KDM4C: variants seen among roughly 807,000 people sequenced by gnomAD.
KDM4C encodes lysine demethylase 4C, also known as lysine-specific demethylase 4C.
KDM4C carries 81 observed loss-of-function variants against 129.3 expected under a neutral mutation model. The ratio of observed to expected loss-of-function variants is 0.63; its 90% CI spans 0.52 to 0.75. KDM4C has a LOEUF of 0.75. Among genes scored for constraint, KDM4C ranks in the 30% least tolerant of loss-of-function variants. KDM4C has a pLI of 0.00. For synonymous variants in KDM4C, 573 were observed against 456.1 expected (o/e 1.26, Z -3.26); for missense variants, 1,457 against 1,304.0 (o/e 1.12, Z -1.81).
At chr9:6,926,103 C>T (rs112995064) in intron 8 of KDM4C, among the ~76,000 whole-genome samples, 3 of 151,960 alleles carry the variant, frequency 2.0e-5, no homozygotes, top group Admixed American at 2.0e-4. Context: ...AAGTCAAGCC[C>T]CTTTAGATGG....
At chr9:7,082,355 T>A (rs10976031) in intron 17 of KDM4C, among the ~76,000 whole-genome samples, 39 of 152,058 alleles carry the variant, frequency 2.6e-4, no homozygotes, top group African/African-American at 9.2e-4. Flanking sequence ...TCAGCGGGAG[T>A]TACACAGAGA....
At chr9:6,741,478 G>C (rs1293599945) in intron 1 of KDM4C, among the ~76,000 whole-genome samples, 1 of 152,078 alleles carries the variant, frequency 6.6e-6, no homozygotes, top group African/African-American at 2.4e-5. Context: ...CGGGTATTTA[G>C]CCTTTTTATT....
At chr9:6,909,988 G>A (rs1020670384) in intron 8 of KDM4C, among the ~76,000 whole-genome samples, 5 of 152,128 alleles carry the variant, frequency 3.3e-5, no homozygotes, top group African/African-American at 1.2e-4. Flanking sequence ...TCCTTAATAA[G>A]GTGCATGTCC....
At chr9:6,880,138 C>G in intron 6 of KDM4C, 77 bp downstream of exon 6, 1 of 884,134 alleles carries the variant, frequency 1.1e-6, no homozygotes. Context: ...TTTTGAGGTA[C>G]TTTTTACAAT....
chr9:7,149,231 C>T (rs1453153009), intron 19 of KDM4C, among the ~76,000 whole-genome samples: 1 of 152,244 alleles, frequency 6.6e-6, no homozygotes, highest in Non-Finnish European at 1.5e-5. Flanking sequence ...TTAGTGCCAT[C>T]CTGAGCATGC....
intron 12 of KDM4C, 71 bp downstream of exon 12, chr9:6,990,595 A>G: frequency 2.0e-6 from 2 of 998,086 alleles, no homozygotes; most frequent in South Asian, 1.5e-5. Context: ...TGTAAAAAAA[A>G]TTGCTGAATA....
intron 17 of KDM4C, chr9:7,076,864 G>T (rs1833983534): frequency 1.0e-6 from 1 of 998,612 alleles, no homozygotes; most frequent in Non-Finnish European, 1.2e-6. Context: ...GGTGCATCAG[G>T]TTAATGATTT....
chr9:7,068,686 CTTTTTTTTTTTTTTT>C (rs542039227), intron 17 of KDM4C, among the ~76,000 whole-genome samples: 22 of 101,766 alleles, frequency 2.2e-4, no homozygotes, highest in Admixed American at 3.3e-4. Flanking sequence ...GATGCCCTTT[CTTTTTTTTTTTTTTT>C]TTTTTTTTTT....
intron 17 of KDM4C, among the ~76,000 whole-genome samples, chr9:7,078,357 C>T (rs1030593530): frequency 6.0e-5 from 9 of 151,170 alleles, no homozygotes; most frequent in African/African-American, 1.9e-4. Flanking sequence ...AGGACATGGA[C>T]ACAGCTTTTA....
intron 4 of KDM4C, among the ~76,000 whole-genome samples, chr9:6,832,233 G>T (rs1415379213): frequency 6.7e-6 from 1 of 150,018 alleles, no homozygotes; most frequent in Non-Finnish European, 1.5e-5. Flanking sequence ...CCAGCTACTC[G>T]GGAGGCTGAG....
At chr9:7,047,957 G>C (rs1829644496) in intron 16 of KDM4C, among the ~76,000 whole-genome samples, 1 of 152,054 alleles carries the variant, frequency 6.6e-6, no homozygotes, top group Non-Finnish European at 1.5e-5. Context: ...ATGTGCACAT[G>C]TTTCTGATTG....
chr9:6,908,756 C>T (rs765470432), intron 8 of KDM4C, among the ~76,000 whole-genome samples: 29 of 152,152 alleles, frequency 1.9e-4, no homozygotes, highest in Non-Finnish European at 3.5e-4. Flanking sequence ...TTTAGTCTGC[C>T]TGGGTTTGAA....
intron 17 of KDM4C, among the ~76,000 whole-genome samples, chr9:7,076,247 T>G (rs1303830999): frequency 1.3e-5 from 2 of 152,208 alleles, no homozygotes; most frequent in Non-Finnish European, 2.9e-5. Context: ...TCAAACCATT[T>G]TTACTGGAAA....
At chr9:7,156,714 C>G (rs1029917219) in intron 19 of KDM4C, among the ~76,000 whole-genome samples, 1 of 152,118 alleles carries the variant, frequency 6.6e-6, no homozygotes, top group Non-Finnish European at 1.5e-5. Context: ...TGGTCTATAT[C>G]TCTGTTTTGG....
chr9:7,065,670 G>A (rs760435230), intron 17 of KDM4C, among the ~76,000 whole-genome samples: 5 of 152,148 alleles, frequency 3.3e-5, no homozygotes, highest in African/African-American at 4.8e-5. Flanking sequence ...TTGCAGTGTA[G>A]TCCAGTGAAA....
chr9:6,873,212 G>C (rs1843029610), intron 5 of KDM4C, among the ~76,000 whole-genome samples: 2 of 152,144 alleles, frequency 1.3e-5, no homozygotes. Flanking sequence ...GGCCAGGCTG[G>C]TCTTGAACTC....
intron 17 of KDM4C, among the ~76,000 whole-genome samples, chr9:7,067,181 T>A (rs1461150078): frequency 6.6e-6 from 1 of 152,234 alleles, no homozygotes; most frequent in Non-Finnish European, 1.5e-5. Context: ...ACTCCATTTA[T>A]CTTAGTGATA....
chr9:7,020,945 C>T lies in KDM4C; in HGVS notation c.2259+5016C>T, dbSNP rs1399524818. 2.0e-5 allele frequency among the ~76,000 whole-genome samples: 3 copies of T among 150,310 alleles called. No homozygotes were observed. In the East Asian group the frequency reaches 5.8e-4, roughly 29 times the overall value. ...TTTTTTTGTACCCATTAACCATTCC[C>T]ATTCCCCTCACCCCCACCACCCTTC... is the stretch of plus-strand genomic sequence containing the variant. On this transcript the variant is annotated intron_variant, in intron 15 of 21. Transcript: ENST00000381309.
At chr9:7,043,774 C>A (rs980314204) in intron 15 of KDM4C, among the ~76,000 whole-genome samples, 1 of 151,350 alleles carries the variant, frequency 6.6e-6, no homozygotes, top group African/African-American at 2.4e-5. Flanking sequence ...TATTTTTGTT[C>A]TTCACAAAGA....
Sources: allele counts gnomAD v4.1 joint callset (sites outside exome capture counted in the v4.1 genomes callset), GRCh38; gene constraint gnomAD v4.1.1; transcripts MANE v1.5; gene names NCBI Gene and HGNC (gene_info 2026-07-23, HGNC 2026-07-21).